MBD3: variants seen among roughly 807,000 people sequenced by gnomAD.
MBD3 encodes the protein methyl-CpG-binding domain protein 3.
MBD3 carries 13 observed loss-of-function variants against 31.2 expected under a neutral mutation model. The ratio of observed to expected loss-of-function variants is 0.42; its 90% confidence interval spans 0.27 to 0.66. MBD3 has a LOEUF of 0.66. Among genes scored for constraint, MBD3 ranks in the 30% least tolerant of loss-of-function variants. The pLI is 0.26. For synonymous variants in MBD3, 223 were observed against 187.4 expected (o/e 1.19, Z -1.55); for missense variants, 440 against 426.5 (o/e 1.03, Z -0.28).
At chr19:1,588,142 C>A (rs1035543837) in intron 1 of MBD3, among the ~76,000 whole-genome samples, 1 of 152,206 alleles carries the variant, frequency 6.6e-6, no homozygotes, top group Non-Finnish European at 1.5e-5. Flanking sequence ...GCCCCCCAAC[C>A]CCGGGCAAAT....
chr19:1,579,195 A>G (rs967760537), intron 5 of MBD3, among the ~76,000 whole-genome samples: 1 of 147,998 alleles, frequency 6.8e-6, no homozygotes, highest in African/African-American at 2.5e-5. Flanking sequence ...AAAAAAAAAA[A>G]AAAAAAAAAA....
rs775705420 is a variant in MBD3 at position 1,575,133 on chromosome 19, TG to T, written c.*3030del. On this transcript the variant is annotated 3_prime_UTR_variant, in exon 7 of 7. Transcript: ENST00000434436. The stretch of plus-strand genomic sequence containing the variant: ...GGACACGTGAGGCTCTTGCTGCTGC[TG>T]GCAAGTGCCAGAAGGGCTGCCATGG... 1 of 413,964 alleles carries T rather than the reference TG, an allele frequency of 2.4e-6. No individual in the cohort carries two copies. Among genetic ancestry groups the T allele is most frequent in the Non-Finnish European group, 4.9e-6 (1 of 203,134 alleles). 25.6% of individuals were successfully genotyped at this position (413,964 alleles called of 1,614,324 possible). A position where few individuals can be genotyped will look rare whatever the true frequency, so the allele number is the denominator to read the frequency against.
intron 1 of MBD3, among the ~76,000 whole-genome samples, chr19:1,588,751 C>A (rs1354940289): frequency 7.2e-6 from 1 of 139,774 alleles, no homozygotes; most frequent in Admixed American, 7.9e-5. Flanking sequence ...TGCACTCCAG[C>A]CTGGGCGACA....
Position 1,578,257 on chromosome 19 carries a change from C to G in MBD3, c.*5+78G>C. 1 of 1,590,230 alleles carries G rather than the reference C, an allele frequency of 6.3e-7. No individual in the cohort carries two copies. Among genetic ancestry groups the G allele is most frequent in the Non-Finnish European group, 8.5e-7 (1 of 1,174,196 alleles). The stretch of plus-strand genomic sequence containing the variant: ...GAAGCTCTTGGGAGGCACCCGTCAT[C>G]CCAAGCACATCTGTGTTCACCAGGC... On this transcript the variant is annotated intron_variant, in intron 6 of 6. Coordinates refer to ENST00000434436, the MANE Select transcript of MBD3 (RefSeq NM_001281453.2). This position sits in a 1 kb window ranked among gnomAD's most constrained non-coding sequence, Gnocchi z 6.1.
rs554007037 is a variant in MBD3 at position 1,580,701 on chromosome 19, G to A, written c.677+391C>T. On this transcript the variant is annotated intron_variant, in intron 5 of 6. Coordinates refer to ENST00000434436, the MANE Select transcript of MBD3 (RefSeq NM_001281453.2). ...TGAGCGGCCGTGTTCCCTGCTGTTCGTTCCGAGGCTCTGCACATCAGAACT... is the reference window on the plus strand; with the variant it reads ...TGAGCGGCCGTGTTCCCTGCTGTTCATTCCGAGGCTCTGCACATCAGAACT... Among the ~76,000 whole-genome samples, 241 of 152,286 alleles carry A rather than the reference G, an allele frequency of 1.6e-3. 2 individuals carry two copies. Among genetic ancestry groups the A allele is most frequent in the African/African-American group, 5.4e-3 (226 of 41,568 alleles).
At chr19:1,590,628 G>T (rs1190467478) in intron 1 of MBD3, among the ~76,000 whole-genome samples, 1 of 152,104 alleles carries the variant, frequency 6.6e-6, no homozygotes, top group Admixed American at 6.6e-5. Flanking sequence ...AAACAAAAAA[G>T]GTAGCTTTTG....
chr19:1,584,811 G>T (rs1230705127), intron 2 of MBD3, 134 bp from the exon 3 acceptor site: 25 of 1,042,572 alleles, frequency 2.4e-5, no homozygotes, highest in Non-Finnish European at 3.1e-5. Flanking sequence ...GACCCCCACG[G>T]TCCGGGGAGG....
At chr19:1,586,492 T>A (rs1378257000) in intron 1 of MBD3, 1 of 152,390 alleles carries the variant, frequency 6.6e-6, no homozygotes. Context: ...GAGTGGCTGC[T>A]GATAGGGACA....
intron 3 of MBD3, 130 bp downstream of exon 3, chr19:1,584,410 T>C: frequency 2.2e-6 from 3 of 1,382,958 alleles, no homozygotes; most frequent in South Asian, 1.2e-5. Context: ...TGCCTCGTCA[T>C]GTTGCCCAGG....
intron 1 of MBD3, among the ~76,000 whole-genome samples, chr19:1,586,671 A>ATTTTTT (rs4030111): frequency 7.0e-5 from 10 of 143,788 alleles, no homozygotes; most frequent in Admixed American, 1.4e-4. Flanking sequence ...ACCACGCCTA[A>ATTTTTT]TTTTTTTTTT....
chr19:1,580,512 G>A (rs1196879556), intron 5 of MBD3, among the ~76,000 whole-genome samples: 3 of 152,220 alleles, frequency 2.0e-5, no homozygotes, highest in African/African-American at 7.2e-5. Context: ...GAACGTGAAA[G>A]GTCCCGTCTT....
At chr19:1,588,059 A>C (rs2060687317) in intron 1 of MBD3, among the ~76,000 whole-genome samples, 1 of 152,196 alleles carries the variant, frequency 6.6e-6, no homozygotes, top group African/African-American at 2.4e-5. Context: ...TGCTTAGCTC[A>C]ATCGCCTCTA....
intron 4 of MBD3, among the ~76,000 whole-genome samples, chr19:1,582,028 G>A (rs149436864): frequency 0.015 from 2,314 of 152,160 alleles, 64 homozygotes; most frequent in African/African-American, 0.053. Context: ...TGGCCTCCCA[G>A]AGTGTTGGGA....
rs1360241876 is a variant in MBD3, at chr19:1,576,414, C to T, written c.*1750G>A. The T allele has an allele frequency of 6.6e-6, 1 of 152,272 alleles. No homozygotes were observed. The highest frequency in any genetic ancestry group is 1.5e-5 in the Non-Finnish European group (1 of 68,066). 9.4% of individuals were successfully genotyped at this position (152,272 alleles called of 1,614,324 possible). A position where few individuals can be genotyped will look rare whatever the true frequency, so the allele number is the denominator to read the frequency against. On this transcript the variant is annotated 3_prime_UTR_variant, in exon 7 of 7. Transcript: ENST00000434436. ...TGGGTCTGAGCCCCAGCCCATCTTC[C>T]TCACCGGGGCAGCAGGGCCAAGACC...
chr19:1,584,897 C>G (rs934414740), intron 2 of MBD3, 158 bp downstream of exon 2: 9 of 1,198,936 alleles, frequency 7.5e-6, no homozygotes, highest in Non-Finnish European at 9.3e-6. Context: ...GCCTTGCGCT[C>G]TGCACCCTGT....
chr19:1,590,067 G>A (rs1413537405), intron 1 of MBD3, among the ~76,000 whole-genome samples: 1 of 152,168 alleles, frequency 6.6e-6, no homozygotes, highest in Non-Finnish European at 1.5e-5. Flanking sequence ...CAGCACTTTG[G>A]GAGGCTGAGG....
chr19:1,575,876 G>A lies in MBD3; in HGVS notation c.*2288C>T, dbSNP rs1392771200. 2.0e-5 allele frequency: 3 copies of A among 152,560 alleles called. No individual in the cohort carries two copies. The highest frequency in any genetic ancestry group is 4.8e-5 in the African/African-American group (2 of 41,466). 9.5% of individuals were successfully genotyped at this position (152,560 alleles called of 1,614,324 possible). The stretch of plus-strand genomic sequence containing the variant: ...TCCAGTGGGGAGGGCCCTGTGGCAG[G>A]GGTAGGGATCATCACATCTCAGACC... On this transcript the variant is annotated 3_prime_UTR_variant, in exon 7 of 7. Coordinates refer to ENST00000434436, the MANE Select transcript of MBD3 (RefSeq NM_001281453.2).
At chr19:1,584,878 T>C in intron 2 of MBD3, 177 bp downstream of exon 2, 1 of 1,069,698 alleles carries the variant, frequency 9.3e-7, no homozygotes, top group African/African-American at 1.6e-5. Flanking sequence ...GGCCGCGTCC[T>C]CGCCATGCGC....
chr19:1,590,621 CAA>C (rs1449475302), intron 1 of MBD3, among the ~76,000 whole-genome samples: 1 of 151,886 alleles, frequency 6.6e-6, no homozygotes, highest in Admixed American at 6.6e-5. Flanking sequence ...AGAAAAAAAA[CAA>C]AAAAGGTAGC....
Sources: allele counts gnomAD v4.1 joint callset (sites outside exome capture counted in the v4.1 genomes callset), GRCh38; gene constraint gnomAD v4.1.1; non-coding constraint Gnocchi (gnomAD v3.1); transcripts MANE v1.5; gene names NCBI Gene and HGNC (gene_info 2026-07-23, HGNC 2026-07-21).